GLDN: variants seen among roughly 807,000 people sequenced by gnomAD.
GLDN encodes the protein collomin.
A neutral mutation model predicts 56.5 loss-of-function variants in GLDN; 47 were observed. That is an observed-to-expected ratio of 0.83 (90% CI 0.66 to 1.06). The LOEUF is 1.06. GLDN is among the 50% of genes least tolerant of loss of function. The pLI, the probability that GLDN is intolerant of heterozygous loss-of-function variation, is 0.00. For missense variants in GLDN, 782 were observed against 714.3 expected, an observed-to-expected ratio of 1.09 and a Z score of -1.08; for synonymous variants, 332 against 278.8, an observed-to-expected ratio of 1.19 and a Z score of -1.90.
intron 6 of GLDN, among the ~76,000 whole-genome samples, chr15:51,399,106 G>T (rs2038195582): frequency 6.6e-6 from 1 of 152,166 alleles, no homozygotes; most frequent in South Asian, 2.1e-4. Context: ...ATACCCTGTA[G>T]TTCCCTAAGT....
chr15:51,342,940 C>T (rs975464903), intron 1 of GLDN, among the ~76,000 whole-genome samples: 1 of 152,150 alleles, frequency 6.6e-6, no homozygotes, highest in Non-Finnish European at 1.5e-5. Flanking sequence ...ATTTGTTTTC[C>T]AGTGTTAAGT....
At chr15:51,366,828 G>T (rs898279113) in intron 1 of GLDN, among the ~76,000 whole-genome samples, 1 of 151,990 alleles carries the variant, frequency 6.6e-6, no homozygotes, top group Admixed American at 6.6e-5. Flanking sequence ...AGCCTGGGAG[G>T]TCGGGGCTGC....
At chr15:51,384,075 C>T (rs2037835151) in intron 4 of GLDN, 183 bp downstream of exon 4, 30 of 654,784 alleles carry the variant, frequency 4.6e-5, no homozygotes, top group Middle Eastern at 4.9e-4. Flanking sequence ...CTTGGTCCCA[C>T]CTTGACAGAT....
At chr15:51,390,694 T>C (rs932856199) in intron 4 of GLDN, among the ~76,000 whole-genome samples, 2 of 152,082 alleles carry the variant, frequency 1.3e-5, no homozygotes, top group East Asian at 3.8e-4. Context: ...GTTGTGAAGA[T>C]GAGAGTTGAC....
chr15:51,401,578 G>C lies in GLDN; in HGVS notation c.1028-15G>C. On this transcript the variant is annotated splice_polypyrimidine_tract_variant and intron_variant, in intron 8 of 9. Coordinates refer to ENST00000335449, the MANE Select transcript of GLDN (RefSeq NM_181789.4). ...GGAGGTAGGTAACAGCCTCTCCCTG[G>C]CTTCCCTCCTACAGGCATCATGGTT... The C allele has an allele frequency of 6.2e-7, 1 of 1,607,790 alleles. No homozygotes were observed. Among genetic ancestry groups the C allele is most frequent in the Non-Finnish European group, 8.5e-7 (1 of 1,176,754 alleles).
At position 51,341,801 on chromosome 15, in the gene GLDN, C is replaced by T; in HGVS notation, c.117C>T (p.Cys39=). 1 of 1,512,480 alleles carries T rather than the reference C, an allele frequency of 6.6e-7. No homozygotes were observed. The highest frequency in any genetic ancestry group is 1.2e-5 in the South Asian group (1 of 81,724). 93.7% of individuals were successfully genotyped at this position (1,512,480 alleles called of 1,614,324 possible). The change falls in exon 1 of 10, where the codon TGC becomes TGT. Residue 39 remains cysteine, a synonymous_variant. Coordinates refer to ENST00000335449, the MANE Select transcript of GLDN (RefSeq NM_181789.4). ...LNAAGTVFAL[C]QWRGLSSALR... is the part of the protein sequence containing the mutation. ...CTGCGGGCACGGTGTTCGCGCTGTG[C>T]CAGTGGCGCGGGCTGAGCTCGGCGC...
chr15:51,400,491 T>C lies in GLDN; in HGVS notation c.1020T>C (p.His340=). The change falls in exon 8 of 10, where the codon CAT becomes CAC. Residue 340 remains histidine (H), a synonymous_variant. Transcript: ENST00000335449. ...KSDDRIWVTE[H]FSGIMVKEFK... ...ATGACCGGATTTGGGTGACAGAGCA[T>C]TTTTCAGGTACTTGCACTCGGCCTA... is the stretch of plus-strand genomic sequence containing the variant. 6.2e-7 allele frequency: 1 copy of C among 1,613,910 alleles called. No homozygotes were observed. The highest frequency in any genetic ancestry group is 2.2e-5 in the East Asian group (1 of 44,882).
At chr15:51,364,960 T>A (rs978839351) in intron 1 of GLDN, among the ~76,000 whole-genome samples, 3 of 152,338 alleles carry the variant, frequency 2.0e-5, no homozygotes, top group African/African-American at 2.4e-5. Flanking sequence ...GCCAAAAATG[T>A]CCTACTGTTT....
chr15:51,400,567 G>A, intron 8 of GLDN, 69 bp downstream of exon 8: 1 of 1,515,054 alleles, frequency 6.6e-7, no homozygotes, highest in Non-Finnish European at 9.0e-7. Flanking sequence ...CCTACCTTTG[G>A]GCGTATTCCA....
chr15:51,383,977 G>T (rs1040714287), intron 4 of GLDN, 85 bp downstream of exon 4: 5 of 1,029,088 alleles, frequency 4.9e-6, no homozygotes, highest in Admixed American at 2.0e-5. Context: ...TGTGCAGCAG[G>T]GGTAAGGTGT....
At chr15:51,396,853 ACAG>A (rs1778958074) in intron 5 of GLDN, among the ~76,000 whole-genome samples, 2 of 152,230 alleles carry the variant, frequency 1.3e-5, no homozygotes, top group South Asian at 4.1e-4. Flanking sequence ...TGTTTCATTA[ACAG>A]CAGATGTTGC....
At chr15:51,362,576 A>G (rs1395213839) in intron 1 of GLDN, among the ~76,000 whole-genome samples, 1 of 151,860 alleles carries the variant, frequency 6.6e-6, no homozygotes, top group African/African-American at 2.4e-5. Flanking sequence ...GTTCATGTAG[A>G]GCCTTGAAAG....
chr15:51,356,084 G>A (rs543643985), intron 1 of GLDN, among the ~76,000 whole-genome samples: 37 of 151,786 alleles, frequency 2.4e-4, no homozygotes, highest in African/African-American at 7.5e-4. Flanking sequence ...GTGCGTGCCC[G>A]TGGTCCCAGC....
chr15:51,381,162 C>T (rs138022965), intron 2 of GLDN, among the ~76,000 whole-genome samples: 20 of 152,322 alleles, frequency 1.3e-4, no homozygotes, highest in Non-Finnish European at 2.1e-4. Flanking sequence ...CCACGGCTAA[C>T]GTGTCCTGAA....
At chr15:51,408,984 A>G (rs62018073), downstream of GLDN, among the ~76,000 whole-genome samples, 44,997 of 150,204 alleles carry the variant, frequency 0.3, 6,995 homozygotes, top group East Asian at 0.42. Context: ...TAGTGCCACA[A>G]TAAACATACG....
chr15:51,397,611 C>T lies in GLDN; in HGVS notation c.817+13C>T. On this transcript the variant is annotated intron_variant, in intron 6 of 9. Transcript: ENST00000335449. ...GGCCAGTGCCCAGGTCACCACCTCTCCCCTACGGGGCCCACCTCTTCTGTC... is the reference window on the plus strand; with the variant it reads ...GGCCAGTGCCCAGGTCACCACCTCTTCCCTACGGGGCCCACCTCTTCTGTC... The T allele has an allele frequency of 1.3e-6, 2 of 1,567,572 alleles. No individual in the cohort carries two copies. The highest frequency in any genetic ancestry group is 1.2e-5 in the South Asian group (1 of 84,150).
At chr15:51,363,481 G>A (rs571915924) in intron 1 of GLDN, among the ~76,000 whole-genome samples, 12 of 152,128 alleles carry the variant, frequency 7.9e-5, no homozygotes, top group Non-Finnish European at 1.6e-4. Flanking sequence ...AAGCCTTTTC[G>A]CAACCAAGTA....
intron 1 of GLDN, among the ~76,000 whole-genome samples, chr15:51,347,259 G>A (rs2036994798): frequency 6.6e-6 from 1 of 152,034 alleles, no homozygotes; most frequent in African/African-American, 2.4e-5. Context: ...TAAGCACATG[G>A]GAAAAGATCT....
intron 1 of GLDN, among the ~76,000 whole-genome samples, chr15:51,361,846 CT>C (rs1180376583): frequency 3.3e-5 from 5 of 152,084 alleles, no homozygotes; most frequent in African/African-American, 1.2e-4. Flanking sequence ...AGGAGATTTG[CT>C]TGAACCCCAG....
Sources: allele counts gnomAD v4.1 joint callset (sites outside exome capture counted in the v4.1 genomes callset), GRCh38; gene constraint gnomAD v4.1.1; transcripts MANE v1.5; gene names NCBI Gene and HGNC (gene_info 2026-07-23, HGNC 2026-07-21).